COL13A1: variants seen among roughly 807,000 people sequenced by gnomAD.
COL13A1 encodes collagen alpha-1(XIII) chain.
A neutral mutation model predicts 130.9 loss-of-function variants in COL13A1; 89 were observed. The ratio of observed to expected loss-of-function variants is 0.68; its 90% CI spans 0.57 to 0.81. The LOEUF (loss-of-function observed/expected upper bound fraction) is 0.81, where lower values mean the gene tolerates loss of function less well. COL13A1 is among the 30% of genes least tolerant of loss of function. The pLI, the probability that COL13A1 is intolerant of heterozygous loss-of-function variation, is 0.00. For missense variants in COL13A1, 879 were observed against 934.6 expected (o/e 0.94, Z 0.78); for synonymous variants, 402 against 341.6 (o/e 1.18, Z -1.95).
intron 20 of COL13A1, 80 bp from the exon 21 acceptor site, chr10:69,919,585 T>G: frequency 2.5e-6 from 1 of 399,058 alleles, no homozygotes; most frequent in Non-Finnish European, 4.4e-6. Context: ...CTGGAAATGC[T>G]GGTCAATGAT....
At chr10:69,867,292 G>A (rs993962793) in intron 2 of COL13A1, among the ~76,000 whole-genome samples, 9 of 152,326 alleles carry the variant, frequency 5.9e-5, no homozygotes, top group East Asian at 5.8e-4. Context: ...AAACCAGGAC[G>A]GGCCAATGGG....
chr10:69,837,274 T>G (rs1316086930), intron 2 of COL13A1, among the ~76,000 whole-genome samples: 1 of 152,238 alleles, frequency 6.6e-6, no homozygotes, highest in Non-Finnish European at 1.5e-5. Flanking sequence ...GTGTCGGTTC[T>G]GATTGGTGGG....
intron 7 of COL13A1, among the ~76,000 whole-genome samples, chr10:69,884,809 CA>C (rs1413623940): frequency 6.6e-6 from 1 of 152,094 alleles, no homozygotes; most frequent in Non-Finnish European, 1.5e-5. Flanking sequence ...AAATGTATTA[CA>C]AAAACAGGAC....
At position 69,944,099 on chromosome 10, in the gene COL13A1, A is replaced by C. The variant is rs775795123; in HGVS notation, c.1915-26A>C. On this transcript the variant is annotated intron_variant, in intron 35 of 40. Coordinates refer to ENST00000645393, the MANE Select transcript of COL13A1 (RefSeq NM_001368882.1). Reference sequence around the variant, plus strand: ...GGCTCCCCAGAGTGTGGGGACCCTCACCTCTGCTTTCTTTCCCCTTCCCAG... The same window carrying C: ...GGCTCCCCAGAGTGTGGGGACCCTCCCCTCTGCTTTCTTTCCCCTTCCCAG... 4 of 1,608,714 alleles carry C rather than the reference A, an allele frequency of 2.5e-6. No individual in the cohort carries two copies. The East Asian group carries it at 6.7e-5, about 27-fold the overall frequency.
chr10:69,856,987 A>C (rs1177103633), intron 2 of COL13A1, among the ~76,000 whole-genome samples: 1 of 152,202 alleles, frequency 6.6e-6, no homozygotes, highest in Non-Finnish European at 1.5e-5. Flanking sequence ...GACTTGATAG[A>C]GAACTTTTCC....
At chr10:69,942,404 A>G (rs554448044) in intron 35 of COL13A1, among the ~76,000 whole-genome samples, 1 of 152,256 alleles carries the variant, frequency 6.6e-6, no homozygotes, top group African/African-American at 2.4e-5. Context: ...AACCTGTCTC[A>G]GGTGCGGGCA....
intron 28 of COL13A1, among the ~76,000 whole-genome samples, chr10:69,929,376 G>C (rs1384671281): frequency 6.6e-6 from 1 of 151,930 alleles, no homozygotes; most frequent in African/African-American, 2.4e-5. Flanking sequence ...CCACACACCT[G>C]TGTTTTTCTC....
intron 7 of COL13A1, among the ~76,000 whole-genome samples, chr10:69,884,273 T>A (rs991448866): frequency 3.3e-5 from 5 of 152,198 alleles, no homozygotes; most frequent in African/African-American, 1.2e-4. Context: ...GTTGGTAGCT[T>A]GAAATCGGCT....
At chr10:69,816,289 C>T (rs932541908) in intron 1 of COL13A1, among the ~76,000 whole-genome samples, 2 of 149,604 alleles carry the variant, frequency 1.3e-5, no homozygotes, top group Non-Finnish European at 3.0e-5. Context: ...GAGAAATAGA[C>T]ATCAATGATA....
chr10:69,941,272 G>A (rs1391051753), intron 35 of COL13A1, among the ~76,000 whole-genome samples: 3 of 152,288 alleles, frequency 2.0e-5, no homozygotes, highest in East Asian at 3.9e-4. Flanking sequence ...CAGGTGTGGG[G>A]TGGGAGGCCA....
At chr10:69,889,325 ACAGGGGGCAGGGAGGAGC>A in intron 9 of COL13A1, 71 bp from the exon 10 acceptor site, 1 of 898,288 alleles carries the variant, frequency 1.1e-6, no homozygotes, top group Non-Finnish European at 1.5e-6. Context: ...AGGGAGGAGC[ACAGGGGGCAGGGAGGAGC>A]ATGAAGGACA....
intron 1 of COL13A1, among the ~76,000 whole-genome samples, chr10:69,810,701 G>T (rs1440914187): frequency 6.6e-6 from 1 of 152,204 alleles, no homozygotes; most frequent in African/African-American, 2.4e-5. Context: ...AAATCAGCAG[G>T]CTTCTCCAAG....
intron 1 of COL13A1, among the ~76,000 whole-genome samples, chr10:69,814,327 A>C (rs942370861): frequency 1.3e-5 from 2 of 152,114 alleles, no homozygotes; most frequent in Non-Finnish European, 2.9e-5. Context: ...TCCCAGGAGG[A>C]GGAGGAGGGA....
intron 2 of COL13A1, among the ~76,000 whole-genome samples, chr10:69,838,195 G>A (rs1850604177): frequency 6.6e-6 from 1 of 152,250 alleles, no homozygotes. Flanking sequence ...GGTCCCACTT[G>A]TGTCAAAGCT....
rs2071318322 is a variant in COL13A1, at chr10:69,958,898, GTC to G, written c.*201_*202del. On this transcript the variant is annotated 3_prime_UTR_variant, in exon 41 of 41. Coordinates refer to ENST00000645393, the MANE Select transcript of COL13A1 (RefSeq NM_001368882.1). ...TACAAGATGTTTTGTATAAGCCTAT[GTC>G]TCTAATACATTTTTTGTTTGGTCGT... 1 of 665,818 alleles carries G rather than the reference GTC, an allele frequency of 1.5e-6. No homozygotes were observed. The highest frequency in any genetic ancestry group is 2.4e-6 in the Non-Finnish European group (1 of 410,530). The allele number at this position is 665,818 out of a possible 1,614,324, so 41.2% of individuals were successfully genotyped here. A position where few individuals can be genotyped will look rare whatever the true frequency, so the allele number is the denominator to read the frequency against.
At chr10:69,883,959 G>T (rs184138021) in intron 7 of COL13A1, among the ~76,000 whole-genome samples, 1 of 152,318 alleles carries the variant, frequency 6.6e-6, no homozygotes, top group Admixed American at 6.5e-5. Context: ...AGCTATTTTA[G>T]AGGTGGAATT....
chr10:69,873,038 G>A (rs1273425204), intron 4 of COL13A1, among the ~76,000 whole-genome samples: 1 of 152,106 alleles, frequency 6.6e-6, no homozygotes, highest in Admixed American at 6.5e-5. Flanking sequence ...TATGTGTACC[G>A]GGTATGTGTA....
chr10:69,804,021 G>A (rs997576089), intron 1 of COL13A1, among the ~76,000 whole-genome samples: 3 of 152,090 alleles, frequency 2.0e-5, no homozygotes, highest in African/African-American at 4.8e-5. Flanking sequence ...CAGGGCAAGC[G>A]TACTGGTGCT....
Position 69,923,907 on chromosome 10 carries a change from GT to G in COL13A1, c.1284+53del, listed in dbSNP as rs777492245. The stretch of plus-strand genomic sequence containing the variant: ...TGCAAGATGAGGGTCAGCTTGGGAG[GT>G]CAAGAATCATCCCGGCCGACCCTAG... On this transcript the variant is annotated intron_variant, in intron 24 of 40. Transcript: ENST00000645393. 9.4e-6 allele frequency: 15 copies of G among 1,589,444 alleles called. No homozygotes were observed. In the South Asian group the frequency reaches 1.1e-4, roughly 12 times the overall value.
Sources: allele counts gnomAD v4.1 joint callset (sites outside exome capture counted in the v4.1 genomes callset), GRCh38; gene constraint gnomAD v4.1.1; transcripts MANE v1.5; gene names NCBI Gene and HGNC (gene_info 2026-07-23, HGNC 2026-07-21).